MTA3: variants seen among roughly 807,000 people sequenced by gnomAD.
MTA3 encodes the protein metastasis-associated protein MTA3.
In MTA3, 34 loss-of-function variants were observed where a neutral mutation model predicts 83.5. The ratio of observed to expected loss-of-function variants is 0.41; its 90% confidence interval spans 0.31 to 0.54. MTA3 has a LOEUF of 0.54. MTA3 is among the 20% of genes least tolerant of loss of function. The probability of loss-of-function intolerance (pLI) is 0.33; values close to 1 mark genes in which losing one functional copy is unlikely to be tolerated. For synonymous variants in MTA3, 303 were observed against 252.7 expected (o/e 1.20, Z -1.89); for missense variants, 761 against 726.4 (o/e 1.05, Z -0.55).
At chr2:42,633,242 G>A (rs1365216188) in intron 4 of MTA3, among the ~76,000 whole-genome samples, 1 of 151,496 alleles carries the variant, frequency 6.6e-6, no homozygotes, top group Non-Finnish European at 1.5e-5. Context: ...TCGCACCACT[G>A]TATTCCAGCA....
rs182271563 is a variant in MTA3, at chr2:42,730,304, G to A, written c.1759+7269G>A. Among the ~76,000 whole-genome samples the A allele has an allele frequency of 3.9e-5, 6 of 152,174 alleles. No homozygotes were observed. In the East Asian group the frequency reaches 1.2e-3, roughly 29 times the overall value. On this transcript the variant is annotated intron_variant, in intron 16 of 16. Transcript: ENST00000405094. ...TCCTTGTCTTGTTTTAAATCTTAGA[G>A]GAAAGGCTTTCAGCTTTTCCCTGTT...
chr2:42,590,238 C>T (rs985507380), intron 3 of MTA3, among the ~76,000 whole-genome samples: 8 of 152,038 alleles, frequency 5.3e-5, no homozygotes, highest in Non-Finnish European at 1.0e-4. Flanking sequence ...GGAGGTGGGG[C>T]ATAATGGGAG....
intron 3 of MTA3, among the ~76,000 whole-genome samples, chr2:42,607,109 TAG>T (rs1683556818): frequency 6.7e-6 from 1 of 148,756 alleles, no homozygotes. Flanking sequence ...GAGGTAGAGG[TAG>T]AGGTAGGTAG....
chr2:42,638,299 C>T (rs544099630), intron 4 of MTA3, among the ~76,000 whole-genome samples: 1 of 152,188 alleles, frequency 6.6e-6, no homozygotes, highest in South Asian at 2.1e-4. Flanking sequence ...CATAGATATT[C>T]TGTGGCAGCT....
At chr2:42,683,776 G>C (rs933948563) in intron 9 of MTA3, among the ~76,000 whole-genome samples, 2 of 152,102 alleles carry the variant, frequency 1.3e-5, no homozygotes, top group Admixed American at 1.3e-4. Flanking sequence ...CAGACCTCAG[G>C]GGGCAGTGGG....
At chr2:42,570,621 A>T (rs1031496744) in intron 2 of MTA3, 117 bp downstream of exon 2, 9 of 512,226 alleles carry the variant, frequency 1.8e-5, no homozygotes, top group Non-Finnish European at 3.0e-5. Flanking sequence ...GTAAATTGGG[A>T]GGCCTGGCGA....
intron 3 of MTA3, among the ~76,000 whole-genome samples, chr2:42,581,195 T>C (rs1679582206): frequency 2.0e-5 from 3 of 152,164 alleles, no homozygotes; most frequent in African/African-American, 4.8e-5. Flanking sequence ...TCTGTCACGT[T>C]TACAAATTAT....
intron 16 of MTA3, among the ~76,000 whole-genome samples, chr2:42,736,303 C>G (rs1668610905): frequency 6.6e-6 from 1 of 152,312 alleles, no homozygotes; most frequent in African/African-American, 2.4e-5. Flanking sequence ...TGTCTCTGTG[C>G]TGAGCTGCCT....
chr2:42,554,270 A>C (rs1677274422), intron 2 of MTA3, among the ~76,000 whole-genome samples: 1 of 152,116 alleles, frequency 6.6e-6, no homozygotes, highest in Non-Finnish European at 1.5e-5. Context: ...TTATCTATTC[A>C]TGCCTACCTC....
chr2:42,642,890 C>T (rs1687822753), intron 5 of MTA3, among the ~76,000 whole-genome samples: 1 of 152,118 alleles, frequency 6.6e-6, no homozygotes, highest in African/African-American at 2.4e-5. Context: ...GGTGATCCGC[C>T]TGCCTCGGCC....
At chr2:42,591,776 G>A (rs1681036047) in intron 3 of MTA3, among the ~76,000 whole-genome samples, 1 of 151,928 alleles carries the variant, frequency 6.6e-6, no homozygotes, top group South Asian at 2.1e-4. Context: ...TCAGCCTCCC[G>A]AGTAGCTGAG....
chr2:42,629,728 C>G (rs965740413), intron 4 of MTA3, among the ~76,000 whole-genome samples: 1 of 152,002 alleles, frequency 6.6e-6, no homozygotes, highest in Non-Finnish European at 1.5e-5. Context: ...CTTCTGATCT[C>G]GTTCCTCTGT....
At chr2:42,568,363 C>T (rs1678029562), upstream of MTA3, 1 of 193,732 alleles carries the variant, frequency 5.2e-6, no homozygotes, top group South Asian at 1.9e-4. Flanking sequence ...GAGTGCAGGC[C>T]TCTGCCTCAG....
At chr2:42,611,205 G>A (rs1445170811) in intron 4 of MTA3, among the ~76,000 whole-genome samples, 3 of 151,424 alleles carry the variant, frequency 2.0e-5, no homozygotes, top group Non-Finnish European at 4.4e-5. Flanking sequence ...GGCTGGTCTC[G>A]AACTCCTGAC....
At chr2:42,585,476 C>CTTTTTT (rs35808147) in intron 3 of MTA3, among the ~76,000 whole-genome samples, 2 of 119,038 alleles carry the variant, frequency 1.7e-5, no homozygotes, top group Admixed American at 9.6e-5. Flanking sequence ...TCTTTCTTTT[C>CTTTTTT]TTTTTTTTTT....
chr2:42,499,806 AAG>A (rs1450751696), intron 2 of MTA3, among the ~76,000 whole-genome samples: 5 of 152,128 alleles, frequency 3.3e-5, no homozygotes, highest in African/African-American at 1.2e-4. Flanking sequence ...AAAAGACAGA[AAG>A]AAACTTTCAG....
At chr2:42,624,149 T>G (rs1685852284) in intron 4 of MTA3, among the ~76,000 whole-genome samples, 1 of 152,210 alleles carries the variant, frequency 6.6e-6, no homozygotes, top group Non-Finnish European at 1.5e-5. Context: ...AGTCAATTAT[T>G]GCCTAGTGAT....
intron 2 of MTA3, among the ~76,000 whole-genome samples, chr2:42,519,051 G>A (rs1422777300): frequency 5.3e-5 from 8 of 149,822 alleles, no homozygotes; most frequent in African/African-American, 2.0e-4. Flanking sequence ...TGGAAAGGTG[G>A]GGGAAGAGTA....
intron 2 of MTA3, among the ~76,000 whole-genome samples, chr2:42,523,874 A>G (rs891221619): frequency 3.9e-5 from 6 of 152,142 alleles, no homozygotes; most frequent in Non-Finnish European, 7.3e-5. Flanking sequence ...CCATGATCGC[A>G]CCATTGCACT....
Sources: gnomAD v4.1 joint callset for allele counts (sites outside exome capture counted in the v4.1 genomes callset) on GRCh38, gnomAD v4.1.1 for gene constraint, MANE v1.5 for transcripts, NCBI Gene and HGNC (gene_info 2026-07-23, HGNC 2026-07-21) for gene names.